The following ETS1 variants were observed in gnomAD, a reference collection of about 807,000 sequenced individuals.
ETS1 encodes the protein protein C-ets-1.
A neutral mutation model predicts 58.6 loss-of-function variants in ETS1; 15 were observed. The observed-to-expected ratio is 0.26, with a 90% CI of 0.17 to 0.39. The LOEUF (loss-of-function observed/expected upper bound fraction) is 0.39, where lower values mean the gene tolerates loss of function less well. ETS1 is among the 10% of genes least tolerant of loss of function. The pLI is 1.00. For synonymous variants in ETS1, 214 were observed against 218.2 expected (o/e 0.98, Z 0.17); for missense variants, 417 against 610.5 (o/e 0.68, Z 3.34).
rs201975766 is a variant in ETS1 at position 128,558,606 on chromosome 11, G to A, written c.70-2171C>T. Among the ~76,000 whole-genome samples, 6 of 142,872 alleles carry A rather than the reference G, an allele frequency of 4.2e-5. No homozygotes were observed. In the East Asian group the frequency reaches 6.3e-4, roughly 15 times the overall value. 93.7% of individuals were successfully genotyped at this position (142,872 alleles called of 152,430 possible). ...TTTGCAGTGAGCCGAGATCGAGACC[G>A]TGCCACTGCACTCCAGCCTGGGTGA... On this transcript the variant is annotated intron_variant, in intron 2 of 9. Transcript: ENST00000392668.
chr11:128,540,814 G>A (rs117933018), intron 3 of ETS1, among the ~76,000 whole-genome samples: 97 of 152,306 alleles, frequency 6.4e-4, no homozygotes, highest in Non-Finnish European at 1.3e-3. Flanking sequence ...GCCCCGTGTG[G>A]AGTCTAAGCT....
intron 3 of ETS1, among the ~76,000 whole-genome samples, chr11:128,512,996 G>A (rs549239838): frequency 6.6e-6 from 1 of 152,216 alleles, no homozygotes; most frequent in African/African-American, 2.4e-5. Context: ...CTGCAGCAAC[G>A]GCTCATGGAA....
intron 3 of ETS1, among the ~76,000 whole-genome samples, chr11:128,501,546 A>G (rs7115613): frequency 0.65 from 98,383 of 152,092 alleles, 32,350 homozygotes; most frequent in Middle Eastern, 0.82. Flanking sequence ...CCTATTAGCC[A>G]TCATTCTCAG....
intron 3 of ETS1, among the ~76,000 whole-genome samples, chr11:128,516,947 C>T (rs191607488): frequency 3.7e-4 from 57 of 152,246 alleles, no homozygotes; most frequent in African/African-American, 1.2e-3. Context: ...GGAGGCTCAG[C>T]GAAGGACTGA....
intron 2 of ETS1, among the ~76,000 whole-genome samples, chr11:128,570,463 A>C (rs1328650938): frequency 6.6e-6 from 1 of 151,978 alleles, no homozygotes; most frequent in Non-Finnish European, 1.5e-5. Flanking sequence ...GCTGGTCTCA[A>C]ACTCCTGACC....
intron 3 of ETS1, among the ~76,000 whole-genome samples, chr11:128,552,983 G>A (rs1864255672): frequency 6.6e-6 from 1 of 152,046 alleles, no homozygotes; most frequent in African/African-American, 2.4e-5. Context: ...TGAGGTTGAG[G>A]GACAGAATAG....
At chr11:128,570,022 G>A (rs563216859) in intron 2 of ETS1, among the ~76,000 whole-genome samples, 2 of 152,208 alleles carry the variant, frequency 1.3e-5, no homozygotes, top group Non-Finnish European at 2.9e-5. Context: ...AAATATCCAG[G>A]GTGTTCAATT....
intron 1 of ETS1, among the ~76,000 whole-genome samples, chr11:128,585,135 G>GA (rs1176013729): frequency 9.2e-4 from 6 of 6,526 alleles, no homozygotes; most frequent in Admixed American, 2.1e-3. Flanking sequence ...AAGAAAGAAA[G>GA]AAAAGAAAGA....
At chr11:128,472,152 C>T (rs1591594200) in intron 8 of ETS1, among the ~76,000 whole-genome samples, 1 of 152,180 alleles carries the variant, frequency 6.6e-6, no homozygotes, top group Admixed American at 6.5e-5. Context: ...AAGTGTCCTA[C>T]CTACGCCTTT....
intron 2 of ETS1, among the ~76,000 whole-genome samples, chr11:128,559,851 C>A (rs1451298804): frequency 5.3e-5 from 8 of 152,344 alleles, no homozygotes; most frequent in Admixed American, 3.3e-4. Flanking sequence ...GGCAGCCCAG[C>A]CCCCACCTCA....
intron 3 of ETS1, among the ~76,000 whole-genome samples, chr11:128,525,328 T>C (rs1055661599): frequency 1.3e-5 from 2 of 152,162 alleles, no homozygotes; most frequent in Non-Finnish European, 2.9e-5. Context: ...GCATACTTTC[T>C]TTTTTATTTA....
chr11:128,525,640 A>C (rs966827234), intron 3 of ETS1, among the ~76,000 whole-genome samples: 5 of 149,068 alleles, frequency 3.4e-5, no homozygotes, highest in African/African-American at 1.2e-4. Context: ...AAAAAAAAAA[A>C]AGCCCTCAAT....
intron 1 of ETS1, among the ~76,000 whole-genome samples, chr11:128,573,462 C>G (rs1442139508): frequency 6.6e-6 from 1 of 152,112 alleles, no homozygotes; most frequent in African/African-American, 2.4e-5. Flanking sequence ...TGAGCAGGAA[C>G]CAGTTCTTGT....
At chr11:128,526,893 T>A (rs2135526322) in intron 3 of ETS1, 1 of 455,882 alleles carries the variant, frequency 2.2e-6, no homozygotes, top group Non-Finnish European at 4.4e-6. Context: ...TTACCAGAGG[T>A]GAAAAATGAG....
At chr11:128,489,594 C>T in intron 4 of ETS1, 104 bp from the exon 5 acceptor site, 1 of 862,236 alleles carries the variant, frequency 1.2e-6, no homozygotes, top group Non-Finnish European at 1.9e-6. Context: ...AGAATGCTAT[C>T]TTTATTCATC....
intron 1 of ETS1, among the ~76,000 whole-genome samples, chr11:128,584,134 T>G (rs916747630): frequency 6.6e-6 from 1 of 152,204 alleles, no homozygotes; most frequent in Non-Finnish European, 1.5e-5. Flanking sequence ...CTGATATTTG[T>G]CAGGGAAGGG....
rs1555093148 is a variant in ETS1, at chr11:128,585,168, G to GAGAA, written c.-15+2316_-15+2319dup. Among the ~76,000 whole-genome samples the GAGAA allele has an allele frequency of 8.7e-3, 73 of 8,370 alleles. 5 individuals are homozygous for GAGAA. The highest frequency in any genetic ancestry group is 0.012 in the Non-Finnish European group (60 of 5,140). 5.5% of individuals were successfully genotyped at this position (8,370 alleles called of 152,430 possible). Reference sequence around the variant, plus strand: ...AGAAAGAAAGAAAGAAAGAAAGAAAGAGAAAGAAAGAAAGAAAGAAGGAAG... The same window carrying GAGAA: ...AGAAAGAAAGAAAGAAAGAAAGAAAGAGAAAGAAAGAAAGAAAGAAAGAAGGAAG... On this transcript the variant is annotated intron_variant, in intron 1 of 9. Transcript: ENST00000392668.
chr11:128,517,721 T>C (rs568657235), intron 3 of ETS1, among the ~76,000 whole-genome samples: 32 of 152,188 alleles, frequency 2.1e-4, no homozygotes, highest in African/African-American at 7.5e-4. Flanking sequence ...TGAAAAATCC[T>C]GACCTACACT....
chr11:128,572,944 G>T, intron 2 of ETS1, 118 bp downstream of exon 2: 2 of 706,536 alleles, frequency 2.8e-6, no homozygotes, highest in South Asian at 1.7e-5. Context: ...AAGCTGATTC[G>T]AACCTTGGAG....
Sources: gnomAD v4.1 joint callset for allele counts (sites outside exome capture counted in the v4.1 genomes callset) on GRCh38, gnomAD v4.1.1 for gene constraint, MANE v1.5 for transcripts, NCBI Gene and HGNC (gene_info 2026-07-23, HGNC 2026-07-21) for gene names.